Variants in PCDHA2 observed in about 807,000 individuals in gnomAD.
PCDHA2 encodes protocadherin alpha 2.
A neutral mutation model predicts 66.0 loss-of-function variants in PCDHA2; 58 were observed. That is an observed-to-expected ratio of 0.88 (90% CI 0.71 to 1.09). PCDHA2 has a LOEUF of 1.09. PCDHA2 is among the 50% of genes least tolerant of loss of function. PCDHA2 has a pLI of 0.00. For missense variants in PCDHA2, 1,267 were observed against 1,242.3 expected, an observed-to-expected ratio of 1.02 and a Z score of -0.30; for synonymous variants, 634 against 554.0, an observed-to-expected ratio of 1.14 and a Z score of -2.03.
chr5:141,010,438 CA>C lies in PCDHA2; in HGVS notation c.*504del. ...TACAAGGAAGGCAAGAAAACAAAGA[CA>C]AATAAACAGCGGAAGTTATCAGTAT... On this transcript the variant is annotated 3_prime_UTR_variant, in exon 4 of 4. Transcript: ENST00000526136. 1.0e-6 allele frequency: 1 copy of C among 998,926 alleles called. No individual in the cohort carries two copies. The highest frequency in any genetic ancestry group is 1.4e-6 in the Non-Finnish European group (1 of 704,790). The allele number at this position is 998,926 out of a possible 1,614,324, so 61.9% of individuals were successfully genotyped here.
chr5:140,853,275 T>C lies in PCDHA2; in HGVS notation c.2388+55923T>C, dbSNP rs144030935. On this transcript the variant is annotated intron_variant, in intron 1 of 3. Coordinates refer to ENST00000526136, the MANE Select transcript of PCDHA2 (RefSeq NM_018905.3). The stretch of plus-strand genomic sequence containing the variant: ...TTCTCTCTCAGAGTACAAGCTCTCA[T>C]CATATGCAAATTCTCAGAAGGGCTG... The C allele has an allele frequency of 8.2e-6, 8 of 978,484 alleles. No homozygotes were observed. The East Asian group carries it at 9.1e-4, about 111-fold the overall frequency. The allele number at this position is 978,484 out of a possible 1,614,324, so 60.6% of individuals were successfully genotyped here. A position where few individuals can be genotyped will look rare whatever the true frequency, so the allele number is the denominator to read the frequency against.
At chr5:140,864,237 C>G (rs2048381218) in intron 1 of PCDHA2, 2 of 152,002 alleles carry the variant, frequency 1.3e-5, no homozygotes, top group Non-Finnish European at 2.9e-5. Flanking sequence ...GTTCTTTATT[C>G]CTATTCATTT....
chr5:140,821,905 G>T (rs2150111828), intron 1 of PCDHA2: 1 of 1,614,238 alleles, frequency 6.2e-7, no homozygotes, highest in Non-Finnish European at 8.5e-7. Flanking sequence ...CGGAACCTTC[G>T]TTGGCCGCAT....
At chr5:140,851,290 G>A (rs2042014989) in intron 1 of PCDHA2, 2 of 1,033,710 alleles carry the variant, frequency 1.9e-6, no homozygotes, top group Non-Finnish European at 2.4e-6. Flanking sequence ...AGAAACCCAA[G>A]CAAAAATATA....
chr5:140,898,114 G>A (rs367767804), intron 1 of PCDHA2, among the ~76,000 whole-genome samples: 18 of 151,862 alleles, frequency 1.2e-4, no homozygotes, highest in Non-Finnish European at 2.4e-4. Context: ...AGTAGGTTGC[G>A]AAAATTTTCT....
chr5:140,908,999 T>C (rs1221174156), intron 1 of PCDHA2, among the ~76,000 whole-genome samples: 1 of 152,190 alleles, frequency 6.6e-6, no homozygotes, highest in Non-Finnish European at 1.5e-5. Context: ...GAAATTTTAC[T>C]GAGGTAGAAG....
intron 1 of PCDHA2, chr5:140,927,513 C>T (rs371881938): frequency 2.2e-5 from 36 of 1,614,062 alleles, no homozygotes; most frequent in South Asian, 3.3e-5. Flanking sequence ...CAGCTCGGGA[C>T]GGCGGGCTAC....
intron 1 of PCDHA2, among the ~76,000 whole-genome samples, chr5:140,941,615 C>T (rs2093129027): frequency 6.6e-6 from 1 of 151,970 alleles, no homozygotes; most frequent in African/African-American, 2.4e-5. Context: ...GTGCCCAGCC[C>T]ATCCTGCTTC....
chr5:140,858,473 A>G (rs1055200728), intron 1 of PCDHA2: 2 of 1,518,350 alleles, frequency 1.3e-6, no homozygotes, highest in Non-Finnish European at 1.8e-6. Context: ...TTTGTGCTTT[A>G]TGAATAATAT....
chr5:140,869,407 T>C, intron 1 of PCDHA2: 3 of 1,614,120 alleles, frequency 1.9e-6, no homozygotes, highest in Non-Finnish European at 2.5e-6. Context: ...GAGCGCGGAG[T>C]GCAGCATCCA....
At chr5:140,824,631 TTA>T (rs1491346501) in intron 1 of PCDHA2, 1,542 of 121,380 alleles carry the variant, frequency 0.013, 302 homozygotes, top group African/African-American at 0.054. Context: ...TTTTTTTTTT[TTA>T]TTTTCTGTAG....
chr5:140,979,947 A>G (rs781881758), intron 2 of PCDHA2, among the ~76,000 whole-genome samples: 4 of 152,258 alleles, frequency 2.6e-5, no homozygotes, highest in African/African-American at 4.8e-5. Context: ...AGTTAATGTG[A>G]AATTAGTTTT....
intron 1 of PCDHA2, among the ~76,000 whole-genome samples, chr5:140,959,366 C>A (rs1257331462): frequency 1.3e-5 from 2 of 151,552 alleles, no homozygotes; most frequent in African/African-American, 4.8e-5. Flanking sequence ...TGAGTGAGAC[C>A]CTGTCTCAAA....
intron 1 of PCDHA2, among the ~76,000 whole-genome samples, chr5:140,943,277 AGAAAG>A (rs797041544): frequency 8.1e-4 from 104 of 129,164 alleles, no homozygotes; most frequent in African/African-American, 3.0e-3. Context: ...AAAAAAAAAA[AGAAAG>A]AAAGAATTAA....
rs1446596900 is a variant in PCDHA2 at position 140,900,305 on chromosome 5, C to T, written c.2389-78644C>T. On this transcript the variant is annotated intron_variant, in intron 1 of 3. Transcript: ENST00000526136. ...TTTCTTTTCTGTTTTTTTAGACAGTCTCACTTTTGTCGCCCAGGCTGGAGT... is the reference window on the plus strand; with the variant it reads ...TTTCTTTTCTGTTTTTTTAGACAGTTTCACTTTTGTCGCCCAGGCTGGAGT... Among the ~76,000 whole-genome samples the T allele has an allele frequency of 1.3e-4, 20 of 151,754 alleles. No homozygotes were observed. In the East Asian group the frequency reaches 3.9e-3, roughly 30 times the overall value.
intron 1 of PCDHA2, chr5:140,802,317 G>T (rs372206309): frequency 7.4e-6 from 12 of 1,614,206 alleles, no homozygotes; most frequent in Middle Eastern, 3.3e-4. Flanking sequence ...TCTGATCAGC[G>T]TGTCCGACCG....
At chr5:140,880,972 A>G (rs574204364) in intron 1 of PCDHA2, among the ~76,000 whole-genome samples, 94 of 152,374 alleles carry the variant, frequency 6.2e-4, no homozygotes, top group Non-Finnish European at 8.5e-4. Flanking sequence ...AGAGAATACC[A>G]AATACTCTGC....
intron 1 of PCDHA2, chr5:140,842,411 C>A (rs2150335386): frequency 1.9e-6 from 3 of 1,612,732 alleles, no homozygotes; most frequent in Non-Finnish European, 2.5e-6. Context: ...TGAAGACGCT[C>A]AATTTGGTAC....
chr5:140,806,768 A>G (rs557721480), intron 1 of PCDHA2, among the ~76,000 whole-genome samples: 6 of 152,310 alleles, frequency 3.9e-5, no homozygotes, highest in Admixed American at 3.9e-4. Flanking sequence ...TCTCTGTAAT[A>G]CTTAAAACCT....
Sources: allele counts gnomAD v4.1 joint callset (sites outside exome capture counted in the v4.1 genomes callset), GRCh38; gene constraint gnomAD v4.1.1; transcripts MANE v1.5; gene names NCBI Gene and HGNC (gene_info 2026-07-23, HGNC 2026-07-21).